Variants in B3GALT1 observed in about 807,000 individuals in gnomAD.
The protein encoded by B3GALT1 is beta-1,3-galactosyltransferase 1.
Under a neutral mutation model 23.2 loss-of-function variants are expected in B3GALT1, and 10 were observed. The observed-to-expected ratio is 0.43, with a 90% CI of 0.27 to 0.73. The LOEUF is 0.73. B3GALT1 is among the 30% of genes least tolerant of loss of function. The pLI, the probability that B3GALT1 is intolerant of heterozygous loss-of-function variation, is 0.21. For missense variants in B3GALT1, 299 were observed against 405.4 expected, an observed-to-expected ratio of 0.74 and a Z score of 2.25; for synonymous variants, 156 against 141.5, an observed-to-expected ratio of 1.10 and a Z score of -0.73.
At chr2:167,327,969 TTG>T (rs1696920447) in intron 1 of B3GALT1, among the ~76,000 whole-genome samples, 1 of 152,230 alleles carries the variant, frequency 6.6e-6, no homozygotes, top group Non-Finnish European at 1.5e-5. Flanking sequence ...TCTGCATCTA[TTG>T]AGATGACCAT....
intron 2 of B3GALT1, among the ~76,000 whole-genome samples, chr2:167,642,686 C>A (rs1002586558): frequency 6.6e-6 from 1 of 152,118 alleles, no homozygotes; most frequent in Non-Finnish European, 1.5e-5. Context: ...CTAAATATAG[C>A]CTATAACCTG....
At chr2:167,825,740 T>C (rs918058196) in intron 4 of B3GALT1, among the ~76,000 whole-genome samples, 4 of 152,160 alleles carry the variant, frequency 2.6e-5, no homozygotes, top group African/African-American at 9.7e-5. Flanking sequence ...ATTGTGCATC[T>C]GCCCCTCTGA....
chr2:167,476,583 T>C (rs1423064787), intron 1 of B3GALT1, among the ~76,000 whole-genome samples: 1 of 152,208 alleles, frequency 6.6e-6, no homozygotes, highest in African/African-American at 2.4e-5. Context: ...TTTGGAATTC[T>C]GTCGAATATT....
intron 2 of B3GALT1, among the ~76,000 whole-genome samples, chr2:167,546,364 T>G (rs1406663): frequency 0.052 from 7,849 of 152,278 alleles, 386 homozygotes; most frequent in East Asian, 0.15. Flanking sequence ...TGATCTTTAG[T>G]CTCTAGCTCC....
At chr2:167,340,557 C>T (rs1697131833) in intron 1 of B3GALT1, among the ~76,000 whole-genome samples, 1 of 152,068 alleles carries the variant, frequency 6.6e-6, no homozygotes, top group African/African-American at 2.4e-5. Flanking sequence ...CAAGGAAAAT[C>T]ATGAAGGGCC....
intron 4 of B3GALT1, among the ~76,000 whole-genome samples, chr2:167,824,152 T>G (rs73021245): frequency 0.035 from 5,400 of 152,244 alleles, 327 homozygotes; most frequent in African/African-American, 0.12. Context: ...GACTTCATTT[T>G]CAGGAATTAA....
intron 1 of B3GALT1, among the ~76,000 whole-genome samples, chr2:167,408,825 C>CA (rs35600977): frequency 0.014 from 1,874 of 130,620 alleles, 27 homozygotes; most frequent in African/African-American, 0.045. Flanking sequence ...AAAAGACAAA[C>CA]AAAAAAAAAA....
At chr2:167,374,799 TTACTC>T (rs201371861) in intron 1 of B3GALT1, among the ~76,000 whole-genome samples, 2,488 of 152,286 alleles carry the variant, frequency 0.016, 70 homozygotes, top group African/African-American at 0.057. Context: ...GGTTGTCTGT[TTACTC>T]TATTGATAGT....
In B3GALT1 at chr2:167,681,258, A is replaced by T. The variant is rs191247222; in HGVS notation, c.-352+34292A>T. On this transcript the variant is annotated intron_variant, in intron 3 of 4. Transcript: ENST00000392690. Reference sequence around the variant, plus strand: ...TTGCAGCCATCAGATATATATATATATTTTTTTAATCTATCCCAAAAATCT... The same window carrying T: ...TTGCAGCCATCAGATATATATATATTTTTTTTTAATCTATCCCAAAAATCT... 3.3e-3 allele frequency among the ~76,000 whole-genome samples: 506 copies of T among 152,158 alleles called. 5 individuals are homozygous for T. The highest frequency in any genetic ancestry group is 9.9e-3 in the African/African-American group (410 of 41,492).
chr2:167,433,855 G>T (rs1039745029), intron 1 of B3GALT1, among the ~76,000 whole-genome samples: 2 of 152,150 alleles, frequency 1.3e-5, no homozygotes, highest in African/African-American at 2.4e-5. Context: ...TTAAGCCCAG[G>T]AGTTCAAGTT....
chr2:167,711,530 T>A (rs1687048369), intron 3 of B3GALT1, among the ~76,000 whole-genome samples: 1 of 152,196 alleles, frequency 6.6e-6, no homozygotes. Flanking sequence ...AAGCACTAAA[T>A]GCTATTCTGA....
intron 2 of B3GALT1, among the ~76,000 whole-genome samples, chr2:167,522,134 C>T (rs35748316): frequency 0.1 from 15,578 of 151,416 alleles, 1,119 homozygotes; most frequent in Non-Finnish European, 0.15. Flanking sequence ...GTAATGTGAC[C>T]TCTGCCATAA....
intron 3 of B3GALT1, among the ~76,000 whole-genome samples, chr2:167,788,080 A>G (rs1688372463): frequency 6.6e-6 from 1 of 152,172 alleles, no homozygotes; most frequent in Non-Finnish European, 1.5e-5. Context: ...GGAGAGGAGA[A>G]GAGAAAAGTG....
chr2:167,573,557 T>C (rs1347630400), intron 2 of B3GALT1, among the ~76,000 whole-genome samples: 1 of 151,758 alleles, frequency 6.6e-6, no homozygotes, highest in Middle Eastern at 3.2e-3. Flanking sequence ...TTTTATAGGA[T>C]ACTGAATAAT....
At chr2:167,669,221 T>A (rs550700244) in intron 3 of B3GALT1, among the ~76,000 whole-genome samples, 1 of 152,200 alleles carries the variant, frequency 6.6e-6, no homozygotes, top group Non-Finnish European at 1.5e-5. Flanking sequence ...TAAGGGCTAT[T>A]GATGTATACT....
At chr2:167,392,346 A>T (rs1374425615) in intron 1 of B3GALT1, among the ~76,000 whole-genome samples, 1 of 152,064 alleles carries the variant, frequency 6.6e-6, no homozygotes, top group Non-Finnish European at 1.5e-5. Context: ...AACTTTAGGG[A>T]TATCTACTTC....
At chr2:167,617,795 T>C (rs1197531257) in intron 2 of B3GALT1, among the ~76,000 whole-genome samples, 5 of 152,016 alleles carry the variant, frequency 3.3e-5, no homozygotes, top group Non-Finnish European at 5.9e-5. Context: ...TCTAATCTAC[T>C]CCACACCACT....
chr2:167,807,484 G>T (rs1173137168), intron 3 of B3GALT1, among the ~76,000 whole-genome samples: 6 of 151,980 alleles, frequency 3.9e-5, no homozygotes, highest in African/African-American at 1.4e-4. Context: ...ACACTGCTTT[G>T]AATGTGTCCC....
chr2:167,304,667 GAC>G (rs1371873875), intron 1 of B3GALT1, among the ~76,000 whole-genome samples: 9 of 152,106 alleles, frequency 5.9e-5, no homozygotes, highest in African/African-American at 2.2e-4. Flanking sequence ...GAGAGACAGA[GAC>G]AGAGAGACAG....
Sources: allele counts gnomAD v4.1 joint callset (sites outside exome capture counted in the v4.1 genomes callset), GRCh38; gene constraint gnomAD v4.1.1; transcripts MANE v1.5; gene names NCBI Gene and HGNC (gene_info 2026-07-23, HGNC 2026-07-21).